The following GPC5 variants were observed in gnomAD, a reference collection of about 807,000 sequenced individuals.
GPC5 encodes glypican-5.
In GPC5, 47 loss-of-function variants were observed where a neutral mutation model predicts 53.9. The observed-to-expected ratio is 0.87, with a 90% CI of 0.69 to 1.11. GPC5 has a LOEUF of 1.11. Ranked by LOEUF, GPC5 falls within the 50% of genes most tolerant of loss-of-function variation. The pLI, the probability that GPC5 is intolerant of heterozygous loss-of-function variation, is 0.00. For synonymous variants in GPC5, 286 were observed against 263.3 expected (o/e 1.09, Z -0.84); for missense variants, 748 against 713.1 (o/e 1.05, Z -0.56).
intron 7 of GPC5, among the ~76,000 whole-genome samples, chr13:92,445,165 T>C (rs554801210): frequency 5.9e-5 from 9 of 151,782 alleles, no homozygotes; most frequent in Middle Eastern, 3.4e-3. Flanking sequence ...TTTTCCTTTC[T>C]TCCTTTCTCC....
At chr13:91,701,330 T>C (rs918927201) in intron 3 of GPC5, among the ~76,000 whole-genome samples, 4 of 152,128 alleles carry the variant, frequency 2.6e-5, no homozygotes, top group African/African-American at 9.6e-5. Flanking sequence ...TTGAAACTTC[T>C]TACTTTTTGA....
intron 6 of GPC5, among the ~76,000 whole-genome samples, chr13:92,137,175 A>G (rs2041791297): frequency 6.6e-6 from 1 of 152,136 alleles, no homozygotes; most frequent in Non-Finnish European, 1.5e-5. Flanking sequence ...GTGCTTTCCC[A>G]TGTATTATTA....
chr13:91,908,247 A>T (rs1002646874), intron 6 of GPC5, among the ~76,000 whole-genome samples, 190 bp downstream of exon 6: 3 of 152,130 alleles, frequency 2.0e-5, no homozygotes, highest in African/African-American at 7.2e-5. Flanking sequence ...ATGCAGTGAT[A>T]TTTTAATACT....
chr13:92,385,662 TAC>T (rs1373281492), intron 7 of GPC5, among the ~76,000 whole-genome samples: 5 of 141,768 alleles, frequency 3.5e-5, no homozygotes, highest in Admixed American at 7.4e-5. Flanking sequence ...CATATATATA[TAC>T]ATATATACAT....
At chr13:91,489,675 A>G (rs1169704693) in intron 2 of GPC5, among the ~76,000 whole-genome samples, 1 of 152,222 alleles carries the variant, frequency 6.6e-6, no homozygotes, top group African/African-American at 2.4e-5. Flanking sequence ...AGTTGCCATC[A>G]TAATGGCATC....
chr13:92,578,804 TA>T (rs1189508630), intron 7 of GPC5, among the ~76,000 whole-genome samples: 1 of 152,184 alleles, frequency 6.6e-6, no homozygotes, highest in African/African-American at 2.4e-5. Flanking sequence ...AGTTGACGAC[TA>T]AAATTAACCA....
At chr13:92,745,575 G>A (rs1300184470) in intron 7 of GPC5, among the ~76,000 whole-genome samples, 1 of 152,036 alleles carries the variant, frequency 6.6e-6, no homozygotes, top group Non-Finnish European at 1.5e-5. Flanking sequence ...TTCTGAACAA[G>A]CTGAGTCCTC....
chr13:92,230,044 C>T (rs996317284), intron 7 of GPC5, among the ~76,000 whole-genome samples: 2 of 151,992 alleles, frequency 1.3e-5, no homozygotes, highest in African/African-American at 4.8e-5. Flanking sequence ...AACTAAACTG[C>T]GTTTTGAACT....
chr13:92,191,987 A>C (rs189218310), intron 7 of GPC5, among the ~76,000 whole-genome samples: 2 of 152,208 alleles, frequency 1.3e-5, no homozygotes, highest in African/African-American at 4.8e-5. Context: ...ATTACAAATC[A>C]AACCATTGTA....
chr13:92,368,769 T>C (rs2043627054), intron 7 of GPC5, among the ~76,000 whole-genome samples: 1 of 152,108 alleles, frequency 6.6e-6, no homozygotes, highest in South Asian at 2.1e-4. Flanking sequence ...CTCAAACTGC[T>C]GTAAAAGATT....
intron 2 of GPC5, among the ~76,000 whole-genome samples, chr13:91,633,174 G>A (rs2034201989): frequency 6.6e-6 from 1 of 152,152 alleles, no homozygotes; most frequent in Non-Finnish European, 1.5e-5. Context: ...GGACATAGAT[G>A]AATTTCCTCC....
At chr13:91,662,512 A>G (rs2035009845) in intron 2 of GPC5, among the ~76,000 whole-genome samples, 2 of 152,056 alleles carry the variant, frequency 1.3e-5, no homozygotes, top group Non-Finnish European at 1.5e-5. Context: ...AGAGCTGCAG[A>G]AAATTGGGGC....
At chr13:92,206,808 A>G (rs2042341117) in intron 7 of GPC5, among the ~76,000 whole-genome samples, 1 of 152,180 alleles carries the variant, frequency 6.6e-6, no homozygotes, top group Non-Finnish European at 1.5e-5. Flanking sequence ...GTCATTAACA[A>G]TTAGTTCAAT....
intron 7 of GPC5, among the ~76,000 whole-genome samples, chr13:92,537,747 A>C (rs1406141035): frequency 1.3e-5 from 2 of 152,122 alleles, no homozygotes; most frequent in Non-Finnish European, 2.9e-5. Context: ...ACCAAGTGAG[A>C]AGCTCATTCC....
chr13:92,236,850 T>TC (rs2042574102), intron 7 of GPC5, among the ~76,000 whole-genome samples: 1 of 151,926 alleles, frequency 6.6e-6, no homozygotes, highest in Non-Finnish European at 1.5e-5. Context: ...ATCAGCATTT[T>TC]TTTTTTGTTT....
At chr13:92,824,253 G>A (rs1033797264) in intron 7 of GPC5, among the ~76,000 whole-genome samples, 16 of 151,826 alleles carry the variant, frequency 1.1e-4, no homozygotes, top group African/African-American at 1.7e-4. Flanking sequence ...ATACAAAACC[G>A]CCTCTTCTTC....
At chr13:91,839,830 A>G (rs975846215) in intron 5 of GPC5, among the ~76,000 whole-genome samples, 2 of 152,090 alleles carry the variant, frequency 1.3e-5, no homozygotes, top group African/African-American at 4.8e-5. Context: ...ATCATTCAGT[A>G]TCATCAACAA....
At chr13:92,563,486 A>G (rs1882765350) in intron 7 of GPC5, among the ~76,000 whole-genome samples, 1 of 148,374 alleles carries the variant, frequency 6.7e-6, no homozygotes, top group African/African-American at 2.4e-5. Context: ...AAAGGACTCA[A>G]TTAATGCATT....
chr13:91,894,246 CTTTG>C lies in GPC5; in HGVS notation c.1281-13667_1281-13664del, dbSNP rs200375529. Among the ~76,000 whole-genome samples, 73 of 152,022 alleles carry C rather than the reference CTTTG, an allele frequency of 4.8e-4. No homozygotes were observed. In the East Asian group the frequency reaches 6.2e-3, roughly 13 times the overall value. On this transcript the variant is annotated intron_variant, in intron 5 of 7. Transcript: ENST00000377067. ...CCATCCATTTGGTAGCCCTTCAGGA[CTTTG>C]TTTGTTTGTTTGTTTGTTTGTTTTT...
Sources: allele counts gnomAD v4.1 joint callset (sites outside exome capture counted in the v4.1 genomes callset), GRCh38; gene constraint gnomAD v4.1.1; transcripts MANE v1.5; gene names NCBI Gene and HGNC (gene_info 2026-07-23, HGNC 2026-07-21).